KIFC3: variants seen among roughly 807,000 people sequenced by gnomAD.
The protein encoded by KIFC3 is kinesin family member C3, also known as kinesin-like protein KIFC3.
Under a neutral mutation model 101.8 loss-of-function variants are expected in KIFC3, and 60 were observed. That is an observed-to-expected ratio of 0.59 (90% CI 0.48 to 0.73). KIFC3 has a LOEUF of 0.73. Ranked by LOEUF, KIFC3 falls within the 30% of genes least tolerant of loss-of-function variation. The pLI, the probability that KIFC3 is intolerant of heterozygous loss-of-function variation, is 0.00. For synonymous variants in KIFC3, 476 were observed against 482.7 expected (o/e 0.99, Z 0.18); for missense variants, 966 against 1,137.1 (o/e 0.85, Z 2.16).
chr16:57,788,828 C>T (rs2053594577), intron 3 of KIFC3: 1 of 979,274 alleles, frequency 1.0e-6, no homozygotes, highest in African/African-American at 1.7e-5. Context: ...CCAGCGGGTC[C>T]AGTCCCTCCC....
At chr16:57,860,806 A>C (rs1959229110) in intron 1 of KIFC3, among the ~76,000 whole-genome samples, 1 of 152,088 alleles carries the variant, frequency 6.6e-6, no homozygotes, top group Non-Finnish European at 1.5e-5. Context: ...TCAACCTCCC[A>C]GGCTCCATTG....
chr16:57,837,554 G>GAAGAAAGAAAGAA (rs1555480658), intron 1 of KIFC3, among the ~76,000 whole-genome samples: 2 of 100,016 alleles, frequency 2.0e-5, no homozygotes, highest in Admixed American at 1.1e-4. Context: ...AGGAAGGAAG[G>GAAGAAAGAAAGAA]AAGAAAGAAA....
chr16:57,836,463 A>G (rs1046801860), intron 1 of KIFC3, among the ~76,000 whole-genome samples: 8 of 152,008 alleles, frequency 5.3e-5, no homozygotes, highest in African/African-American at 1.9e-4. Flanking sequence ...AGCTAAGAGC[A>G]TTATTTTCTC....
rs1555592033 is a variant in KIFC3, at chr16:57,758,859, T to C, written c.*75A>G. On this transcript the variant is annotated 3_prime_UTR_variant, in exon 20 of 20. Coordinates refer to ENST00000445690, the MANE Select transcript of KIFC3 (RefSeq NM_001130100.2). The stretch of plus-strand genomic sequence containing the variant: ...AGGGACAGGCCAGTGAGGGCCCAGC[T>C]TCAGGCCCAGCGGGGTCACATCCGT... The C allele has an allele frequency of 6.2e-7, 1 of 1,608,292 alleles. No homozygotes were observed. Among genetic ancestry groups the C allele is most frequent in the African/African-American group, 1.3e-5 (1 of 74,726 alleles).
intron 1 of KIFC3, among the ~76,000 whole-genome samples, chr16:57,841,817 A>G (rs2055817809): frequency 6.6e-6 from 1 of 152,082 alleles, no homozygotes; most frequent in Admixed American, 6.6e-5. Flanking sequence ...GTCTGTCACC[A>G]TGCCAGGCTC....
Position 57,862,754 on chromosome 16 carries a change from TC to T in KIFC3, c.82del (p.Glu28ArgfsTer77). 7.8e-7 allele frequency: 1 copy of T among 1,289,302 alleles called. No individual in the cohort carries two copies. Among genetic ancestry groups the T allele is most frequent in the East Asian group, 5.5e-5 (1 of 18,022 alleles). 79.9% of individuals were successfully genotyped at this position (1,289,302 alleles called of 1,614,324 possible). A position where few individuals can be genotyped will look rare whatever the true frequency, so the allele number is the denominator to read the frequency against. ...CTTGCACTGCTCCGGGACACCAGCC[TC>T]CAATCTGAGGGTTTCCTGGTGTCTG... is the stretch of plus-strand genomic sequence containing the variant. On this transcript the variant is annotated frameshift_variant, in exon 1 of 3. Transcript: ENST00000563028. LOFTEE classifies it high-confidence loss of function.
At chr16:57,828,564 G>A (rs887975975) in intron 1 of KIFC3, among the ~76,000 whole-genome samples, 5 of 152,230 alleles carry the variant, frequency 3.3e-5, no homozygotes, top group African/African-American at 1.2e-4. Flanking sequence ...CGCGGCATTG[G>A]ACCAGGGTCC....
At chr16:57,785,697 CAG>C in intron 3 of KIFC3, 1 of 1,183,268 alleles carries the variant, frequency 8.5e-7, no homozygotes, top group East Asian at 6.2e-5. Context: ...GATGAGAGGG[CAG>C]CAGAGGTCCC....
At chr16:57,825,028 T>C (rs1306327328) in intron 1 of KIFC3, among the ~76,000 whole-genome samples, 4 of 152,160 alleles carry the variant, frequency 2.6e-5, no homozygotes, top group Non-Finnish European at 4.4e-5. Flanking sequence ...ACCAATGAGA[T>C]GGATGGATGG....
intron 1 of KIFC3, among the ~76,000 whole-genome samples, chr16:57,823,272 C>T (rs1190521578): frequency 2.6e-5 from 4 of 152,160 alleles, no homozygotes; most frequent in Non-Finnish European, 4.4e-5. Flanking sequence ...TTAAATCAAC[C>T]TATGACCTGG....
chr16:57,807,692 C>T (rs1379129405), upstream of KIFC3: 1 of 152,160 alleles, frequency 6.6e-6, no homozygotes, highest in African/African-American at 2.4e-5. Context: ...CGGCCAGGCA[C>T]AGTGGCTCAT....
At chr16:57,789,911 A>AT (rs1461653337) in intron 3 of KIFC3, among the ~76,000 whole-genome samples, 2 of 151,112 alleles carry the variant, frequency 1.3e-5, no homozygotes, top group Non-Finnish European at 2.9e-5. Flanking sequence ...TAATTTTTGT[A>AT]TTTTTAATAG....
At chr16:57,797,518 C>T (rs1156434365) in intron 2 of KIFC3, among the ~76,000 whole-genome samples, 1 of 152,206 alleles carries the variant, frequency 6.6e-6, no homozygotes, top group Non-Finnish European at 1.5e-5. Context: ...GGGGCCAAGA[C>T]TCTGGGACCT....
Position 57,761,146 on chromosome 16 carries a change from C to T in KIFC3, c.1898G>A (p.Arg633His), listed in dbSNP as rs1361169981. 3.1e-6 allele frequency: 5 copies of T among 1,613,802 alleles called. No individual in the cohort carries two copies. The highest frequency in any genetic ancestry group is 2.2e-5 in the East Asian group (1 of 44,884). ...NKVFEFGHTN[R>H]TTEFTNLNEH... ...GTTCAGGTTGGTGAACTCGGTCGTG[C>T]GATTAGTGTGGCCAAACTCAAACAC... The change falls in exon 15 of 20, where the codon CGC becomes CAC. Residue 633 changes from arginine to histidine, a missense_variant. Physicochemically the swap from Arg to His is conservative, Grantham distance 29. Coordinates refer to ENST00000445690, the MANE Select transcript of KIFC3 (RefSeq NM_001130100.2).
intron 1 of KIFC3, among the ~76,000 whole-genome samples, chr16:57,824,515 C>T (rs1369865548): frequency 1.3e-5 from 2 of 151,948 alleles, no homozygotes; most frequent in African/African-American, 4.8e-5. Context: ...AAACCCTGTC[C>T]CTACAAAAAA....
Position 57,802,261 on chromosome 16 carries a change from G to A in KIFC3, c.-40+109C>T, listed in dbSNP as rs1453964611. ...CTCCCCGCGCCCATAGCGGGTCCGG[G>A]CAGAGGGGTCCCGAGGGCAGGGCCG... On this transcript the variant is annotated intron_variant, in intron 1 of 19. Transcript: ENST00000445690. The surrounding 1 kb of genome is among the most constrained non-coding windows in gnomAD (Gnocchi z 5.0). 2 of 532,704 alleles carry A rather than the reference G, an allele frequency of 3.8e-6. No individual in the cohort carries two copies. Among genetic ancestry groups the A allele is most frequent in the Non-Finnish European group, 4.8e-6 (2 of 416,140 alleles). 33.0% of individuals were successfully genotyped at this position (532,704 alleles called of 1,614,324 possible).
intron 1 of KIFC3, among the ~76,000 whole-genome samples, chr16:57,821,605 G>A (rs1406982004): frequency 3.3e-5 from 5 of 152,116 alleles, no homozygotes; most frequent in African/African-American, 1.2e-4. Context: ...ATTGCCCCCC[G>A]CTGTTTCTTG....
In KIFC3 at chr16:57,777,049, A is replaced by G. The variant is rs909070862; in HGVS notation, c.316-4761T>C. Reference sequence around the variant, plus strand: ...ACACAAAAATCGGTTACATTTCTACAACTAACAATAAACAATCCAAAAAGG... The same window carrying G: ...ACACAAAAATCGGTTACATTTCTACGACTAACAATAAACAATCCAAAAAGG... On this transcript the variant is annotated intron_variant, in intron 3 of 19. Transcript: ENST00000445690. 5 of 152,256 alleles carry G rather than the reference A, an allele frequency of 3.3e-5. No homozygotes were observed. In the East Asian group the frequency reaches 9.6e-4, roughly 29 times the overall value. 9.4% of individuals were successfully genotyped at this position (152,256 alleles called of 1,614,324 possible). A position where few individuals can be genotyped will look rare whatever the true frequency, so the allele number is the denominator to read the frequency against.
chr16:57,851,179 G>GT (rs57970684), intron 1 of KIFC3, among the ~76,000 whole-genome samples: 1 of 151,510 alleles, frequency 6.6e-6, no homozygotes, highest in Admixed American at 6.6e-5. Context: ...CCCGGCTAAT[G>GT]TTTTTTTAAT....
Sources: allele counts gnomAD v4.1 joint callset (sites outside exome capture counted in the v4.1 genomes callset), GRCh38; gene constraint gnomAD v4.1.1; non-coding constraint Gnocchi (gnomAD v3.1); transcripts MANE v1.5; gene names NCBI Gene and HGNC (gene_info 2026-07-23, HGNC 2026-07-21).